RAP1GAP: variants seen among roughly 807,000 people sequenced by gnomAD.
The protein encoded by RAP1GAP is RAP1 GTPase activating protein.
A neutral mutation model predicts 87.2 loss-of-function variants in RAP1GAP; 35 were observed. The ratio of observed to expected loss-of-function variants is 0.40; its 90% CI spans 0.31 to 0.53. RAP1GAP has a LOEUF of 0.53. Among genes scored for constraint, RAP1GAP ranks in the 20% least tolerant of loss-of-function variants. The probability of loss-of-function intolerance (pLI) is 0.48; values close to 1 mark genes in which losing one functional copy is unlikely to be tolerated. For synonymous variants in RAP1GAP, 375 were observed against 363.9 expected (o/e 1.03, Z -0.35); for missense variants, 734 against 898.9 (o/e 0.82, Z 2.35).
intron 6 of RAP1GAP, 87 bp downstream of exon 6, chr1:21,617,847 C>T (rs1183044239): frequency 1.3e-6 from 2 of 1,574,520 alleles, no homozygotes; most frequent in East Asian, 4.5e-5. Context: ...GGTCAGGCTC[C>T]TAAGGAGGAG....
intron 1 of RAP1GAP, chr1:21,651,431 C>A (rs767282067): frequency 5.2e-6 from 3 of 573,352 alleles, no homozygotes; most frequent in Non-Finnish European, 3.5e-6. Flanking sequence ...CATGCACACA[C>A]ACGCGCGCAC....
intron 2 of RAP1GAP, among the ~76,000 whole-genome samples, chr1:21,649,212 TC>T (rs1195513404): frequency 6.6e-6 from 1 of 151,724 alleles, no homozygotes; most frequent in Non-Finnish European, 1.5e-5. Context: ...CGTTCCCTCC[TC>T]CTCCAAAGAG....
rs202237422 is a variant in RAP1GAP at position 21,609,560 on chromosome 1, G to A, written c.1071+15C>T. 4.3e-5 allele frequency: 63 copies of A among 1,477,816 alleles called. No homozygotes were observed. The Admixed American group carries it at 5.7e-4, about 13-fold the overall frequency. The allele number at this position is 1,477,816 out of a possible 1,614,324, so 91.5% of individuals were successfully genotyped here. On this transcript the variant is annotated intron_variant, in intron 15 of 24. Coordinates refer to ENST00000374765, the MANE Select transcript of RAP1GAP (RefSeq NM_002885.4). The surrounding 1 kb of genome is among the most constrained non-coding windows in gnomAD (Gnocchi z 4.4). ...TTTGTCCTGCTCTGCCCATGACTGG[G>A]GGGGTGCCCCTCACCTTCCTGAACA...
At chr1:21,599,769 C>G (rs2066654798) in intron 20 of RAP1GAP, 152 bp from the exon 21 acceptor site, 1 of 1,006,206 alleles carries the variant, frequency 9.9e-7, no homozygotes, top group Non-Finnish European at 1.4e-6. Context: ...CCTCTGAGCC[C>G]CCCAGACTCC....
chr1:21,652,977 G>T (rs987164353), intron 1 of RAP1GAP, among the ~76,000 whole-genome samples: 1 of 152,202 alleles, frequency 6.6e-6, no homozygotes, highest in Non-Finnish European at 1.5e-5. Flanking sequence ...GGGGATGAGG[G>T]AGGAAGGATG....
At chr1:21,649,391 A>C (rs1216084528) in intron 2 of RAP1GAP, among the ~76,000 whole-genome samples, 2 of 152,154 alleles carry the variant, frequency 1.3e-5, no homozygotes, top group Non-Finnish European at 2.9e-5. Context: ...GGAAGCATTT[A>C]AGCAAAAAGG....
rs1130564 is a variant in RAP1GAP, at chr1:21,626,391, G to A, written c.-106C>T. 83,223 of 1,610,756 alleles carry A rather than the reference G, an allele frequency of 0.052. 2,476 individuals are homozygous for A. The highest frequency in any genetic ancestry group is 0.059 in the Non-Finnish European group (68,928 of 1,177,162). On this transcript the variant is annotated 5_prime_UTR_variant, in exon 3 of 25. Transcript: ENST00000374765. ...GAGGGAAGTGCTGGTTCTGCCCATC[G>A]CTCCTCCTGGAAGAGAAAGAGTCTG...
intron 1 of RAP1GAP, among the ~76,000 whole-genome samples, chr1:21,657,834 G>C (rs2096925316): frequency 6.6e-6 from 1 of 152,172 alleles, no homozygotes; most frequent in South Asian, 2.1e-4. Context: ...TATAATGGGG[G>C]GAGAGAGTTT....
intron 2 of RAP1GAP, among the ~76,000 whole-genome samples, chr1:21,636,849 A>AGG (rs1571114531): frequency 1.4e-5 from 2 of 146,766 alleles, no homozygotes; most frequent in East Asian, 2.0e-4. Flanking sequence ...GAAGAAGAAG[A>AGG]AGGAGGAGGA....
chr1:21,603,790 C>T lies in RAP1GAP; in HGVS notation c.1429-877G>A, dbSNP rs777437088. On this transcript the variant is annotated intron_variant, in intron 18 of 24. Transcript: ENST00000374765. The surrounding 1 kb of genome is among the most constrained non-coding windows in gnomAD (Gnocchi z 6.0). ...CGTCCTGAGAGCGAGCAGAGAACAG[C>T]GCGTGCAGGCAGCCTCCAGAGCCGG... 16 of 1,557,486 alleles carry T rather than the reference C, an allele frequency of 1.0e-5. No homozygotes were observed. The highest frequency in any genetic ancestry group is 3.3e-5 in the Admixed American group (2 of 59,846).
chr1:21,610,065 A>C, intron 14 of RAP1GAP, 55 bp downstream of exon 14: 1 of 1,587,566 alleles, frequency 6.3e-7, no homozygotes. Flanking sequence ...CAGGGAGGGC[A>C]GAGCTGCAGC....
chr1:21,646,432 T>C (rs920098562), intron 2 of RAP1GAP, among the ~76,000 whole-genome samples: 3 of 152,248 alleles, frequency 2.0e-5, no homozygotes, highest in African/African-American at 7.2e-5. Flanking sequence ...AGCTGTGACT[T>C]TGAGCCAGAG....
At chr1:21,627,409 C>CTTTTT (rs755209828) in intron 2 of RAP1GAP, among the ~76,000 whole-genome samples, 11 of 125,232 alleles carry the variant, frequency 8.8e-5, no homozygotes, top group Non-Finnish European at 1.4e-4. Flanking sequence ...CTCCCTTCTT[C>CTTTTT]TTTTTTTTTT....
In RAP1GAP at chr1:21,608,868, C is replaced by G; in HGVS notation, c.1140G>C (p.Glu380Asp). Residue 380 changes from glutamate to aspartate, a missense_variant, in exon 16 of 25, where the codon GAG (glutamate) becomes GAC (aspartate). Physicochemically the swap from Glu to Asp is conservative, Grantham distance 45. Around this residue, in one of 2 missense-constraint regions of RAP1GAP, gnomAD observed 485 missense variants for 646.2 expected, o/e 0.75. Coordinates refer to ENST00000374765, the MANE Select transcript of RAP1GAP (RefSeq NM_002885.4). Reference sequence around the variant, plus strand: ...TCCTCACCTCCAGTTTGGCAAACTTCTCTGCCTTGTAGCAGGCATATTCAG... The same window carrying G: ...TCCTCACCTCCAGTTTGGCAAACTTGTCTGCCTTGTAGCAGGCATATTCAG... Reference protein sequence around the residue: ...INAEYACYKAEKFAKLEERTR... With the variant: ...INAEYACYKADKFAKLEERTR... The G allele has an allele frequency of 6.2e-7, 1 of 1,614,128 alleles. No individual in the cohort carries two copies. The highest frequency in any genetic ancestry group is 8.5e-7 in the Non-Finnish European group (1 of 1,179,976).
intron 2 of RAP1GAP, among the ~76,000 whole-genome samples, chr1:21,635,693 A>G (rs1399292276): frequency 6.6e-6 from 1 of 152,196 alleles, no homozygotes; most frequent in African/African-American, 2.4e-5. Context: ...CCTGCCCCTC[A>G]CAACTCCCCA....
chr1:21,625,516 C>T (rs1436993995), intron 3 of RAP1GAP, among the ~76,000 whole-genome samples: 5 of 152,176 alleles, frequency 3.3e-5, no homozygotes, highest in Non-Finnish European at 5.9e-5. Flanking sequence ...CCACCACATC[C>T]AACCTGAGTG....
intron 2 of RAP1GAP, among the ~76,000 whole-genome samples, chr1:21,642,262 G>A (rs1284172166): frequency 1.3e-5 from 2 of 152,206 alleles, no homozygotes; most frequent in Non-Finnish European, 2.9e-5. Context: ...GCGCAATTCC[G>A]CACCCACTGC....
At position 21,603,389 on chromosome 1, in the gene RAP1GAP, C is replaced by T. The variant is rs190046311; in HGVS notation, c.1429-476G>A. 7.2e-4 allele frequency: 349 copies of T among 483,172 alleles called. 1 individual carries two copies. Among genetic ancestry groups the T allele is most frequent in the African/African-American group, 6.0e-3 (305 of 51,060 alleles). The allele number at this position is 483,172 out of a possible 1,614,324, so 29.9% of individuals were successfully genotyped here. A position where few individuals can be genotyped will look rare whatever the true frequency, so the allele number is the denominator to read the frequency against. ...GAAGACTCCCCCAGCTTCCCACACACTGTGCTGGGATGCCCCAGGCCCCAG... is the reference window on the plus strand; with the variant it reads ...GAAGACTCCCCCAGCTTCCCACACATTGTGCTGGGATGCCCCAGGCCCCAG... On this transcript the variant is annotated intron_variant, in intron 18 of 24. Transcript: ENST00000374765. The surrounding 1 kb of genome is among the most constrained non-coding windows in gnomAD (Gnocchi z 6.0).
intron 7 of RAP1GAP, among the ~76,000 whole-genome samples, chr1:21,616,136 AACACACAC>A (rs58644324): frequency 0.065 from 8,185 of 126,658 alleles, 294 homozygotes; most frequent in African/African-American, 0.1. Context: ...CCCTCTTCCC[AACACACAC>A]ACACACACAC....
Sources: allele counts gnomAD v4.1 joint callset (sites outside exome capture counted in the v4.1 genomes callset), GRCh38; gene constraint gnomAD v4.1.1; regional missense constraint gnomAD v4.1.1; non-coding constraint Gnocchi (gnomAD v3.1); transcripts MANE v1.5; gene names NCBI Gene and HGNC (gene_info 2026-07-23, HGNC 2026-07-21).